PAPSS1: variants seen among roughly 807,000 people sequenced by gnomAD.
PAPSS1 encodes bifunctional 3'-phosphoadenosine 5'-phosphosulfate synthase 1.
PAPSS1 carries 50 observed loss-of-function variants against 72.0 expected under a neutral mutation model. The observed-to-expected ratio is 0.69, with a 90% CI of 0.55 to 0.88. PAPSS1 has a LOEUF of 0.88. Ranked by LOEUF, PAPSS1 falls within the 40% of genes least tolerant of loss-of-function variation. PAPSS1 has a pLI of 0.00. For synonymous variants in PAPSS1, 261 were observed against 263.6 expected (o/e 0.99, Z 0.09); for missense variants, 657 against 782.2 (o/e 0.84, Z 1.91).
intron 9 of PAPSS1, among the ~76,000 whole-genome samples, chr4:107,646,330 C>G (rs1193205570): frequency 6.7e-6 from 1 of 150,222 alleles, no homozygotes; most frequent in African/African-American, 2.5e-5. Context: ...CACACACATA[C>G]ACACACATAC....
chr4:107,616,293 G>C (rs1725821322), intron 11 of PAPSS1, among the ~76,000 whole-genome samples: 1 of 152,024 alleles, frequency 6.6e-6, no homozygotes, highest in Non-Finnish European at 1.5e-5. Flanking sequence ...AAAATCAAAT[G>C]AGAATGTCAA....
At chr4:107,645,163 G>A (rs1179485076) in intron 9 of PAPSS1, 93 bp from the exon 10 acceptor site, 3 of 931,462 alleles carry the variant, frequency 3.2e-6, no homozygotes, top group Non-Finnish European at 4.4e-6. Context: ...TGATACTTAG[G>A]ATTAAGCAAA....
chr4:107,626,098 A>G (rs1054547468), intron 11 of PAPSS1, among the ~76,000 whole-genome samples: 1 of 151,880 alleles, frequency 6.6e-6, no homozygotes, highest in Non-Finnish European at 1.5e-5. Context: ...GAATGGCGTG[A>G]AACAGGGAGG....
In PAPSS1 at chr4:107,631,651, C is replaced by T. The variant is rs1726227755; in HGVS notation, c.1716G>A (p.Met572Ile). 6.2e-7 allele frequency: 1 copy of T among 1,612,184 alleles called. No individual in the cohort carries two copies. The highest frequency in any genetic ancestry group is 1.7e-5 in the Admixed American group (1 of 59,992). ...VAAYNKKKKR[M>I]DYYDSEHHED... ...CTTACTGTTCAGAGTCATAGTAGTC[C>T]ATACGCTTCTTTTTCTTGTTGTAAG... Residue 572 changes from methionine (M) to isoleucine (I), a missense_variant, in exon 11 of 12, where the codon ATG (methionine) becomes ATA (isoleucine). Physicochemically the swap from Met to Ile is conservative, Grantham distance 10. Around this residue, in one of 7 missense-constraint regions of PAPSS1, gnomAD observed 103 missense variants for 93.8 expected, o/e 1.10. Coordinates refer to ENST00000265174, the MANE Select transcript of PAPSS1 (RefSeq NM_005443.5).
chr4:107,700,463 T>C (rs981624956), intron 2 of PAPSS1, among the ~76,000 whole-genome samples: 12 of 152,216 alleles, frequency 7.9e-5, no homozygotes, highest in African/African-American at 2.4e-4. Flanking sequence ...AGCTGAATAA[T>C]AGAAATTCAC....
In PAPSS1 at chr4:107,717,023, T is replaced by G. The variant is rs1051594043; in HGVS notation, c.60+3097A>C. Among the ~76,000 whole-genome samples the G allele has an allele frequency of 2.0e-4, 30 of 152,054 alleles. 1 individual carries two copies. Among genetic ancestry groups the G allele is most frequent in the Admixed American group, 1.3e-4 (2 of 15,272 alleles). ...CAACTCAATTTCTGTAACTATGTTA[T>G]CCACATGTCCCTACTATTTGAAAAG... On this transcript the variant is annotated intron_variant, in intron 1 of 11. Transcript: ENST00000265174.
intron 10 of PAPSS1, among the ~76,000 whole-genome samples, chr4:107,638,350 TG>T (rs1361170355): frequency 1.3e-5 from 2 of 152,214 alleles, no homozygotes; most frequent in Non-Finnish European, 2.9e-5. Context: ...ATTTCGTATA[TG>T]AGGCCCAATA....
chr4:107,653,545 G>C lies in PAPSS1; in HGVS notation c.1183C>G (p.Gln395Glu), dbSNP rs778145415. ...DRVYWNDGLD[Q>E]YRLTPTELKQ... ...AGCTCAGTAGGAGTAAGACGATACT[G>C]ATCAAGACCATCATTCCAATAAACT... The change falls in exon 9 of 12, where the codon CAG (glutamine) becomes GAG (glutamate). Residue 395 changes from glutamine (Q) to glutamate (E), a missense_variant. This residue lies in a region of PAPSS1 where 166 missense variants were observed against 228.3 expected (regional missense o/e 0.73). Transcript: ENST00000265174. 34 of 1,612,518 alleles carry C rather than the reference G, an allele frequency of 2.1e-5. No homozygotes were observed. The Admixed American group carries it at 5.7e-4, about 27-fold the overall frequency.
chr4:107,695,950 T>C (rs1490741773), intron 2 of PAPSS1, among the ~76,000 whole-genome samples: 1 of 151,480 alleles, frequency 6.6e-6, no homozygotes, highest in Non-Finnish European at 1.5e-5. Context: ...GACACTTAGG[T>C]GGCCAACAAA....
chr4:107,659,968 T>C lies in PAPSS1; in HGVS notation c.774A>G (p.Lys258=), dbSNP rs147646056. ...KTDAETLPAL[K]INKVDMQWVQ... is the part of the protein sequence containing the mutation. ...GCAACGAAGAACTTACTTTATTAAT[T>C]TTCAGTGCTGGTAATGTTTCCGCAT... Residue 258 remains lysine, a synonymous_variant, in exon 6 of 12, where the codon AAA becomes AAG. Coordinates refer to ENST00000265174, the MANE Select transcript of PAPSS1 (RefSeq NM_005443.5). 1.8e-4 allele frequency: 288 copies of C among 1,574,186 alleles called. No individual in the cohort carries two copies. The African/African-American group carries it at 3.1e-3, about 17-fold the overall frequency.
chr4:107,618,901 G>C (rs1027432398), intron 11 of PAPSS1, among the ~76,000 whole-genome samples: 4 of 152,112 alleles, frequency 2.6e-5, no homozygotes, highest in Non-Finnish European at 5.9e-5. Flanking sequence ...CTAACCAGAT[G>C]TAAAATTAAA....
chr4:107,681,287 AG>A (rs1247712411), intron 5 of PAPSS1, among the ~76,000 whole-genome samples: 6 of 152,154 alleles, frequency 3.9e-5, no homozygotes, highest in South Asian at 2.1e-4. Context: ...ATGCATGACA[AG>A]GTGACAGGGT....
chr4:107,644,141 G>A (rs1726631991), intron 10 of PAPSS1, among the ~76,000 whole-genome samples: 1 of 152,170 alleles, frequency 6.6e-6, no homozygotes, highest in Non-Finnish European at 1.5e-5. Flanking sequence ...TTGAATCTGA[G>A]GCCAGGGAAG....
intron 1 of PAPSS1, chr4:107,718,212 G>C (rs534883006): frequency 6.6e-6 from 1 of 152,104 alleles, no homozygotes; most frequent in African/African-American, 2.4e-5. Context: ...TTCCATGAGG[G>C]AGAGAAAAAT....
At chr4:107,654,102 C>T (rs928923217) in intron 8 of PAPSS1, among the ~76,000 whole-genome samples, 6 of 152,148 alleles carry the variant, frequency 3.9e-5, no homozygotes, top group Admixed American at 3.3e-4. Context: ...CTATTACCCT[C>T]CAGGACCTGT....
chr4:107,661,896 T>C (rs1178753871), intron 5 of PAPSS1, among the ~76,000 whole-genome samples: 1 of 152,048 alleles, frequency 6.6e-6, no homozygotes, highest in Non-Finnish European at 1.5e-5. Context: ...CAACTATGGG[T>C]TCTGAAAATC....
chr4:107,624,784 C>T (rs1041801620), intron 11 of PAPSS1, among the ~76,000 whole-genome samples: 9 of 152,226 alleles, frequency 5.9e-5, no homozygotes, highest in Admixed American at 3.3e-4. Context: ...GGTAAATTCA[C>T]GCAGTTATAG....
At chr4:107,646,626 G>A (rs1726703466) in intron 9 of PAPSS1, among the ~76,000 whole-genome samples, 1 of 142,352 alleles carries the variant, frequency 7.0e-6, no homozygotes, top group Non-Finnish European at 1.6e-5. Context: ...TCATCTGACA[G>A]ACCACAGTCT....
At chr4:107,698,737 G>A (rs1010651705) in intron 2 of PAPSS1, among the ~76,000 whole-genome samples, 6 of 152,286 alleles carry the variant, frequency 3.9e-5, no homozygotes, top group African/African-American at 1.4e-4. Flanking sequence ...CCTCGTTATA[G>A]GGAGGGCCCC....
Sources: gnomAD v4.1 joint callset for allele counts (sites outside exome capture counted in the v4.1 genomes callset) on GRCh38, gnomAD v4.1.1 for gene constraint, gnomAD v4.1.1 regional missense constraint, MANE v1.5 for transcripts, NCBI Gene and HGNC (gene_info 2026-07-23, HGNC 2026-07-21) for gene names.